CSGALNACT1: variants seen among roughly 807,000 people sequenced by gnomAD.
The protein encoded by CSGALNACT1 is chondroitin sulfate N-acetylgalactosaminyltransferase 1, also known as beta4GalNAcT-1.
In CSGALNACT1, 52 loss-of-function variants were observed where a neutral mutation model predicts 51.0. The observed-to-expected ratio is 1.02, with a 90% confidence interval of 0.82 to 1.29. The LOEUF is 1.29. Ranked by LOEUF, CSGALNACT1 falls within the 50% of genes most tolerant of loss-of-function variation. CSGALNACT1 has a pLI of 0.00. For synonymous variants in CSGALNACT1, 341 were observed against 254.4 expected, an observed-to-expected ratio of 1.34 and a Z score of -3.24; for missense variants, 935 against 679.2, an observed-to-expected ratio of 1.38 and a Z score of -4.19.
At chr8:19,537,823 A>G (rs1350053451) in intron 3 of CSGALNACT1, among the ~76,000 whole-genome samples, 1 of 152,260 alleles carries the variant, frequency 6.6e-6, no homozygotes, top group African/African-American at 2.4e-5. Context: ...AAAATCTTTG[A>G]GATCTAAGAG....
At chr8:19,643,957 CAA>C (rs754457831) in intron 1 of CSGALNACT1, among the ~76,000 whole-genome samples, 3 of 152,172 alleles carry the variant, frequency 2.0e-5, no homozygotes, top group Non-Finnish European at 4.4e-5. Context: ...CAATCTAAAT[CAA>C]ACAGTCATAA....
intron 1 of CSGALNACT1, among the ~76,000 whole-genome samples, chr8:19,666,809 A>AAGAAAGAAAGAAAGAAAGAAAGAAAGAG (rs1564383214): frequency 4.0e-5 from 1 of 25,064 alleles, no homozygotes; most frequent in Non-Finnish European, 6.8e-5. Context: ...GAAAGAAAGA[A>AAGAAAGAAAGAAAGAAAGAAAGAAAGAG]AGAGAGAGAG....
rs2064677196 is a variant in CSGALNACT1, at chr8:19,458,649, A to T, written c.635-7T>A. ...CTTTCTGTTCGGTAGATCCCTGTTA[A>T]GAGAAAAACAAGGAAAGATAGTTCT... On this transcript the variant is annotated splice_region_variant and splice_polypyrimidine_tract_variant and intron_variant, in intron 4 of 9. Transcript: ENST00000454498. 6.2e-7 allele frequency: 1 copy of T among 1,613,302 alleles called. No individual in the cohort carries two copies. Among genetic ancestry groups the T allele is most frequent in the South Asian group, 1.1e-5 (1 of 91,070 alleles).
intron 1 of CSGALNACT1, among the ~76,000 whole-genome samples, chr8:19,646,922 C>T (rs922254255): frequency 3.3e-5 from 5 of 151,390 alleles, no homozygotes; most frequent in African/African-American, 9.7e-5. Flanking sequence ...AACAACAATC[C>T]TGAATAAATA....
At chr8:19,644,066 G>A (rs1475416072) in intron 1 of CSGALNACT1, among the ~76,000 whole-genome samples, 2 of 152,114 alleles carry the variant, frequency 1.3e-5, no homozygotes, top group Non-Finnish European at 1.5e-5. Context: ...CTAAGTTATG[G>A]CATATAGATT....
chr8:19,731,138 T>C (rs59309315), intron 1 of CSGALNACT1, among the ~76,000 whole-genome samples: 24,321 of 152,062 alleles, frequency 0.16, 2,548 homozygotes, highest in East Asian at 0.39. Context: ...CCTGAGAAAC[T>C]TGTGACGCCA....
upstream of CSGALNACT1, among the ~76,000 whole-genome samples, chr8:19,606,821 C>T (rs1156269953): frequency 6.6e-6 from 1 of 152,092 alleles, no homozygotes; most frequent in African/African-American, 2.4e-5. Flanking sequence ...CCATTATTGC[C>T]TTAAAGGATA....
At chr8:19,567,032 C>T (rs1052783597) in intron 3 of CSGALNACT1, among the ~76,000 whole-genome samples, 6 of 152,204 alleles carry the variant, frequency 3.9e-5, no homozygotes, top group African/African-American at 1.2e-4. Context: ...CACTCATACT[C>T]GGGTTTCCTC....
At chr8:19,683,100 C>A (rs181270354), upstream of CSGALNACT1, 167 of 221,264 alleles carry the variant, frequency 7.5e-4, no homozygotes, top group African/African-American at 3.6e-3. Flanking sequence ...GATCACAGGA[C>A]ATAATGGAAT....
intron 1 of CSGALNACT1, among the ~76,000 whole-genome samples, chr8:19,722,843 T>C (rs1441554777): frequency 6.6e-6 from 1 of 152,158 alleles, no homozygotes; most frequent in African/African-American, 2.4e-5. Flanking sequence ...GGTAGCAAGA[T>C]CTGCAACAGG....
upstream of CSGALNACT1, among the ~76,000 whole-genome samples, chr8:19,686,432 C>T (rs181378686): frequency 5.6e-4 from 85 of 152,336 alleles, 1 homozygote; most frequent in Admixed American, 3.0e-3. Flanking sequence ...CAGCCACCAA[C>T]GCATTCTAAC....
chr8:19,431,921 T>C (rs1224433929), intron 6 of CSGALNACT1, among the ~76,000 whole-genome samples: 1 of 152,098 alleles, frequency 6.6e-6, no homozygotes, highest in East Asian at 1.9e-4. Context: ...TAATATTACA[T>C]CTTTGTGCAC....
intron 3 of CSGALNACT1, among the ~76,000 whole-genome samples, chr8:19,561,041 A>G (rs766341953): frequency 6.6e-6 from 1 of 152,226 alleles, no homozygotes; most frequent in African/African-American, 2.4e-5. Flanking sequence ...ACTCAAAAGA[A>G]CATACAAAGG....
intron 1 of CSGALNACT1, among the ~76,000 whole-genome samples, chr8:19,656,134 G>A (rs1211656826): frequency 1.3e-5 from 2 of 152,158 alleles, no homozygotes; most frequent in African/African-American, 4.8e-5. Context: ...CTCATGTTAT[G>A]AAAAGTTTCT....
intron 3 of CSGALNACT1, among the ~76,000 whole-genome samples, chr8:19,549,927 T>G (rs1478888408): frequency 6.6e-6 from 1 of 152,156 alleles, no homozygotes; most frequent in African/African-American, 2.4e-5. Flanking sequence ...AGCCTTTGTA[T>G]GCGACCTACC....
At chr8:19,538,039 G>A (rs2084172986) in intron 3 of CSGALNACT1, among the ~76,000 whole-genome samples, 1 of 152,284 alleles carries the variant, frequency 6.6e-6, no homozygotes, top group Non-Finnish European at 1.5e-5. Context: ...AACACTTGGT[G>A]GAGTGCAGTG....
At chr8:19,635,262 G>T (rs1484756597) in intron 1 of CSGALNACT1, among the ~76,000 whole-genome samples, 1 of 152,200 alleles carries the variant, frequency 6.6e-6, no homozygotes, top group East Asian at 1.9e-4. Context: ...GAACTCCTTG[G>T]CGAGTAGGCC....
At position 19,529,085 on chromosome 8, in the gene CSGALNACT1, C is replaced by A. The variant is rs548511912; in HGVS notation, c.-296-22955G>T. 2.0e-5 allele frequency among the ~76,000 whole-genome samples: 3 copies of A among 152,226 alleles called. No homozygotes were observed. In the South Asian group the frequency reaches 6.2e-4, roughly 32 times the overall value. Reference sequence around the variant, plus strand: ...AAAAGAAGGATTCAGTGGACAGCAACGTCAGATGCTGCCGAGAAATCAAGT... The same window carrying A: ...AAAAGAAGGATTCAGTGGACAGCAAAGTCAGATGCTGCCGAGAAATCAAGT... On this transcript the variant is annotated intron_variant, in intron 3 of 9. Coordinates refer to ENST00000454498, the Ensembl canonical transcript of CSGALNACT1.
At chr8:19,576,952 G>A (rs550528589) in intron 3 of CSGALNACT1, among the ~76,000 whole-genome samples, 5 of 151,928 alleles carry the variant, frequency 3.3e-5, no homozygotes, top group African/African-American at 4.8e-5. Context: ...CACACAGCTC[G>A]CTTACCCCCC....
Sources: allele counts gnomAD v4.1 joint callset (sites outside exome capture counted in the v4.1 genomes callset), GRCh38; gene constraint gnomAD v4.1.1; transcripts MANE v1.5; gene names NCBI Gene and HGNC (gene_info 2026-07-23, HGNC 2026-07-21).